Variants in DDX10 observed in about 807,000 individuals in gnomAD.
DDX10 encodes the protein probable ATP-dependent RNA helicase DDX10.
A neutral mutation model predicts 104.3 loss-of-function variants in DDX10; 74 were observed. That is an observed-to-expected ratio of 0.71 (90% CI 0.59 to 0.86). The LOEUF (loss-of-function observed/expected upper bound fraction) is 0.86, where lower values mean the gene tolerates loss of function less well. Ranked by LOEUF, DDX10 falls within the 40% of genes least tolerant of loss-of-function variation. The probability of loss-of-function intolerance (pLI) is 0.00; values close to 1 mark genes in which losing one functional copy is unlikely to be tolerated. For missense variants in DDX10, 952 were observed against 1,040.0 expected, an observed-to-expected ratio of 0.92 and a Z score of 1.16; for synonymous variants, 351 against 353.4, an observed-to-expected ratio of 0.99 and a Z score of 0.08.
chr11:108,834,834 A>T (rs1043540569), intron 13 of DDX10, among the ~76,000 whole-genome samples: 10 of 146,174 alleles, frequency 6.8e-5, no homozygotes, highest in Non-Finnish European at 1.5e-4. Flanking sequence ...AGGCTGAGGC[A>T]GGAGAATGAT....
intron 13 of DDX10, among the ~76,000 whole-genome samples, chr11:108,791,807 G>A (rs368319272): frequency 1.6e-4 from 25 of 152,214 alleles, no homozygotes; most frequent in African/African-American, 5.1e-4. Context: ...AAATGCTATA[G>A]GAGTGGGATT....
intron 16 of DDX10, among the ~76,000 whole-genome samples, chr11:108,879,027 C>T (rs1384969383): frequency 4.6e-5 from 7 of 151,988 alleles, no homozygotes; most frequent in African/African-American, 1.7e-4. Flanking sequence ...GTTTTGGAGA[C>T]GGAGTCTTGC....
At chr11:108,833,596 G>C (rs887136199) in intron 13 of DDX10, among the ~76,000 whole-genome samples, 3 of 152,172 alleles carry the variant, frequency 2.0e-5, no homozygotes, top group African/African-American at 4.8e-5. Flanking sequence ...TACTTCTTCA[G>C]GGGGGCAGGA....
intron 16 of DDX10, chr11:108,860,562 T>C (rs1294587851): frequency 6.6e-6 from 1 of 152,218 alleles, no homozygotes; most frequent in African/African-American, 2.4e-5. Context: ...TTTCTTTTTT[T>C]TGTGAGACAG....
chr11:108,852,127 A>G (rs1174219591), intron 15 of DDX10, 26 bp from the exon 16 acceptor site: 1 of 1,588,446 alleles, frequency 6.3e-7, no homozygotes, highest in African/African-American at 1.4e-5. Flanking sequence ...TATGCTGCTA[A>G]TTTTTCTCCT....
chr11:108,726,359 CT>C (rs2094305453), intron 13 of DDX10, among the ~76,000 whole-genome samples: 1 of 151,918 alleles, frequency 6.6e-6, no homozygotes, highest in African/African-American at 2.4e-5. Context: ...TTATTTAGGC[CT>C]TCTTTAGTGT....
intron 13 of DDX10, among the ~76,000 whole-genome samples, chr11:108,735,220 A>C (rs1433069907): frequency 6.6e-6 from 1 of 152,198 alleles, no homozygotes; most frequent in Non-Finnish European, 1.5e-5. Flanking sequence ...TTACCATGAA[A>C]GTGTACATTT....
chr11:108,831,108 A>G (rs1238804353), intron 13 of DDX10, among the ~76,000 whole-genome samples: 1 of 152,166 alleles, frequency 6.6e-6, no homozygotes, highest in Admixed American at 6.5e-5. Context: ...ATCAATCTTA[A>G]GAAATACTCT....
Position 108,847,593 on chromosome 11 carries a change from C to T in DDX10, c.2248-4560C>T, listed in dbSNP as rs562619152. ...AAGTTAAGAAAGAATTAAAGGAAGA[C>T]TTTAGAAAATCTATCTTGTTTTATT... On this transcript the variant is annotated intron_variant, in intron 15 of 17. Coordinates refer to ENST00000322536, the MANE Select transcript of DDX10 (RefSeq NM_004398.4). Among the ~76,000 whole-genome samples, 3 of 152,240 alleles carry T rather than the reference C, an allele frequency of 2.0e-5. No individual in the cohort carries two copies. The South Asian group carries it at 6.2e-4, about 32-fold the overall frequency.
At chr11:108,691,346 C>CT (rs763574974) in intron 7 of DDX10, among the ~76,000 whole-genome samples, 29 of 152,166 alleles carry the variant, frequency 1.9e-4, no homozygotes, top group Non-Finnish European at 3.7e-4. Context: ...ATGCTGAACT[C>CT]TTTTCAGTCT....
chr11:108,788,877 C>T (rs1391925433), intron 13 of DDX10, among the ~76,000 whole-genome samples: 2 of 152,150 alleles, frequency 1.3e-5, no homozygotes, highest in Non-Finnish European at 2.9e-5. Context: ...AGAGATGACC[C>T]CTTCACCTGG....
chr11:108,715,668 GTGTC>G (rs888424208), intron 10 of DDX10, among the ~76,000 whole-genome samples: 1 of 152,258 alleles, frequency 6.6e-6, no homozygotes, highest in African/African-American at 2.4e-5. Context: ...TTTGGAGAAA[GTGTC>G]TGACATGTCA....
chr11:108,689,121 A>G (rs535295905), intron 7 of DDX10, 59 bp downstream of exon 7: 3 of 1,543,676 alleles, frequency 1.9e-6, no homozygotes, highest in East Asian at 2.2e-5. Context: ...TGAAATGGCA[A>G]ATCAATTAGA....
At chr11:108,847,630 A>G (rs1352219306) in intron 15 of DDX10, among the ~76,000 whole-genome samples, 2 of 152,206 alleles carry the variant, frequency 1.3e-5, no homozygotes, top group African/African-American at 2.4e-5. Flanking sequence ...TTGTTGACAC[A>G]TAATTAAGTT....
intron 13 of DDX10, among the ~76,000 whole-genome samples, chr11:108,799,276 A>G (rs1391236601): frequency 6.6e-6 from 1 of 152,210 alleles, no homozygotes; most frequent in East Asian, 1.9e-4. Flanking sequence ...CCCTTTCACC[A>G]GATTCTGGTT....
chr11:108,676,980 C>T (rs2094226210), intron 3 of DDX10, 105 bp from the exon 4 acceptor site: 1 of 1,020,392 alleles, frequency 9.8e-7, no homozygotes, highest in Admixed American at 2.3e-5. Flanking sequence ...AGTGGTATGC[C>T]TTCTGCTTGG....
rs397692323 is a variant in DDX10, at chr11:108,735,720, A to AAAG, written c.1965+12258_1965+12259insAAG. ...TATTTCAAGAACATTAAAAAAAAAAAGTATTCCAGCTTTACTGGTTCTCTG... is the reference window on the plus strand; with the variant it reads ...TATTTCAAGAACATTAAAAAAAAAAAAAGGTATTCCAGCTTTACTGGTTCTCTG... On this transcript the variant is annotated intron_variant, in intron 13 of 17. Transcript: ENST00000322536. Among the ~76,000 whole-genome samples the AAAG allele has an allele frequency of 9.6e-4, 145 of 151,262 alleles. 1 individual carries two copies. Among genetic ancestry groups the AAAG allele is most frequent in the Non-Finnish European group, 1.4e-3 (93 of 67,682 alleles).
intron 15 of DDX10, among the ~76,000 whole-genome samples, chr11:108,841,819 T>A (rs985650529): frequency 6.6e-6 from 1 of 152,222 alleles, no homozygotes; most frequent in Non-Finnish European, 1.5e-5. Context: ...AATAATTTTG[T>A]CATTACTGGA....
chr11:108,800,821 C>T (rs1862010797), intron 13 of DDX10, among the ~76,000 whole-genome samples: 1 of 152,186 alleles, frequency 6.6e-6, no homozygotes, highest in Admixed American at 6.5e-5. Context: ...TTTCACTCTA[C>T]ATTATGATTT....
Sources: allele counts gnomAD v4.1 joint callset (sites outside exome capture counted in the v4.1 genomes callset), GRCh38; gene constraint gnomAD v4.1.1; transcripts MANE v1.5; gene names NCBI Gene and HGNC (gene_info 2026-07-23, HGNC 2026-07-21).